ABLIM1: variants seen among roughly 807,000 people sequenced by gnomAD.
The protein encoded by ABLIM1 is actin-binding LIM protein 1.
Under a neutral mutation model 107.0 loss-of-function variants are expected in ABLIM1, and 40 were observed. The observed-to-expected ratio is 0.37, with a 90% CI of 0.29 to 0.49. The LOEUF is 0.49. Among genes scored for constraint, ABLIM1 ranks in the 20% least tolerant of loss-of-function variants. ABLIM1 has a pLI of 0.97. For synonymous variants in ABLIM1, 357 were observed against 357.3 expected, an observed-to-expected ratio of 1.00 and a Z score of 0.01; for missense variants, 857 against 1,008.5, an observed-to-expected ratio of 0.85 and a Z score of 2.04.
At chr10:114,766,913 A>G (rs895057996) in intron 1 of ABLIM1, among the ~76,000 whole-genome samples, 6 of 152,252 alleles carry the variant, frequency 3.9e-5, no homozygotes, top group African/African-American at 1.4e-4. Context: ...TCAGAGCCCT[A>G]TGTCACCTCT....
At chr10:114,536,246 T>A (rs1484848665) in intron 6 of ABLIM1, among the ~76,000 whole-genome samples, 6 of 77,860 alleles carry the variant, frequency 7.7e-5, no homozygotes, top group Non-Finnish European at 1.6e-4. Flanking sequence ...TTTTTTTTTT[T>A]TTTTTTTTTT....
At chr10:114,542,111 T>C (rs532359374) in intron 6 of ABLIM1, among the ~76,000 whole-genome samples, 1 of 152,306 alleles carries the variant, frequency 6.6e-6, no homozygotes, top group South Asian at 2.1e-4. Flanking sequence ...GATGTTCTAT[T>C]GTTTCTTTTT....
intron 12 of ABLIM1, among the ~76,000 whole-genome samples, chr10:114,461,681 T>C (rs1221919450): frequency 6.6e-6 from 1 of 152,016 alleles, no homozygotes; most frequent in Non-Finnish European, 1.5e-5. Flanking sequence ...TAGCTGGGTG[T>C]GGTGGTGCAC....
At chr10:114,464,872 C>T (rs1448164663) in intron 12 of ABLIM1, among the ~76,000 whole-genome samples, 1 of 152,172 alleles carries the variant, frequency 6.6e-6, no homozygotes, top group Non-Finnish European at 1.5e-5. Flanking sequence ...CGCACTGTCA[C>T]CATTAAGTTT....
At chr10:114,765,937 C>T (rs970710693) in intron 1 of ABLIM1, among the ~76,000 whole-genome samples, 1 of 151,604 alleles carries the variant, frequency 6.6e-6, no homozygotes, top group African/African-American at 2.4e-5. Flanking sequence ...AGGCTATTTC[C>T]TTTCAATGCC....
At chr10:114,464,051 T>C (rs545527280) in intron 12 of ABLIM1, among the ~76,000 whole-genome samples, 2 of 152,298 alleles carry the variant, frequency 1.3e-5, no homozygotes, top group South Asian at 2.1e-4. Context: ...GAGTGTTGAC[T>C]GACCACTCCC....
chr10:114,437,821 T>C (rs1449959863), intron 22 of ABLIM1, 23 bp downstream of exon 22: 2 of 1,606,000 alleles, frequency 1.2e-6, no homozygotes, highest in African/African-American at 1.3e-5. Flanking sequence ...CAGTTGGGAC[T>C]GGATTTTTCG....
At chr10:114,463,573 G>GT (rs11380542) in intron 12 of ABLIM1, among the ~76,000 whole-genome samples, 73,257 of 150,368 alleles carry the variant, frequency 0.49, 17,766 homozygotes, top group African/African-American at 0.55. Context: ...TAAGGGTCAG[G>GT]TTTTTTTTTT....
chr10:114,516,591 C>G (rs563509814), intron 6 of ABLIM1, among the ~76,000 whole-genome samples: 3 of 152,286 alleles, frequency 2.0e-5, no homozygotes, highest in African/African-American at 7.2e-5. Flanking sequence ...AAAACAGCTG[C>G]TTCCTTAAAG....
chr10:114,544,677 A>G (rs2067096816), intron 6 of ABLIM1, among the ~76,000 whole-genome samples: 1 of 152,212 alleles, frequency 6.6e-6, no homozygotes, highest in Admixed American at 6.5e-5. Context: ...ATGGATGTAT[A>G]CACACATGAT....
At chr10:114,651,820 T>TA (rs1310184800) in intron 1 of ABLIM1, among the ~76,000 whole-genome samples, 1 of 152,164 alleles carries the variant, frequency 6.6e-6, no homozygotes, top group African/African-American at 2.4e-5. Flanking sequence ...GAACAAAAGT[T>TA]AAAGTAAGAC....
intron 6 of ABLIM1, among the ~76,000 whole-genome samples, chr10:114,511,178 T>C (rs1238491851): frequency 6.6e-6 from 1 of 152,080 alleles, no homozygotes; most frequent in Non-Finnish European, 1.5e-5. Flanking sequence ...AATTCTTGTT[T>C]ATAGAATCAA....
upstream of ABLIM1, among the ~76,000 whole-genome samples, chr10:114,771,959 T>A (rs868665120): frequency 6.6e-6 from 1 of 152,218 alleles, no homozygotes; most frequent in Non-Finnish European, 1.5e-5. Flanking sequence ...AATTGAATAT[T>A]GAGTCTTACT....
chr10:114,447,703 T>A (rs1156346162), intron 15 of ABLIM1, among the ~76,000 whole-genome samples, 177 bp downstream of exon 15: 1 of 152,232 alleles, frequency 6.6e-6, no homozygotes, highest in Non-Finnish European at 1.5e-5. Context: ...TTGTAACTTT[T>A]AAGCGTTTTG....
intron 6 of ABLIM1, among the ~76,000 whole-genome samples, chr10:114,521,873 G>A (rs1398422413): frequency 6.6e-6 from 1 of 152,198 alleles, no homozygotes; most frequent in Non-Finnish European, 1.5e-5. Context: ...GATAGTCGGG[G>A]AACAGTGCCA....
At chr10:114,583,319 T>G (rs931221929) in intron 2 of ABLIM1, among the ~76,000 whole-genome samples, 1 of 146,176 alleles carries the variant, frequency 6.8e-6, no homozygotes, top group African/African-American at 2.5e-5. Context: ...ATCACATCAG[T>G]CCAAACGGCT....
At chr10:114,621,751 T>C (rs1009867356) in intron 1 of ABLIM1, among the ~76,000 whole-genome samples, 1 of 152,348 alleles carries the variant, frequency 6.6e-6, no homozygotes, top group Middle Eastern at 3.4e-3. Flanking sequence ...ATCCACTAAA[T>C]GTAGGATCTT....
intron 17 of ABLIM1, 126 bp downstream of exon 17, chr10:114,443,903 G>A: frequency 2.8e-6 from 2 of 727,174 alleles, no homozygotes; most frequent in Non-Finnish European, 4.6e-6. Context: ...CATGGAGTGG[G>A]TTTCCCACAC....
chr10:114,459,834 T>C (rs1237577830), intron 12 of ABLIM1, among the ~76,000 whole-genome samples: 5 of 152,228 alleles, frequency 3.3e-5, no homozygotes, highest in Admixed American at 3.3e-4. Context: ...ATGCTTTTTA[T>C]CATTTAAATC....
Sources: gnomAD v4.1 joint callset for allele counts (sites outside exome capture counted in the v4.1 genomes callset) on GRCh38, gnomAD v4.1.1 for gene constraint, MANE v1.5 for transcripts, NCBI Gene and HGNC (gene_info 2026-07-23, HGNC 2026-07-21) for gene names.